The following PTTG1IP variants were observed in gnomAD, a reference collection of about 807,000 sequenced individuals.
PTTG1IP encodes the protein pituitary tumor-transforming gene 1 protein-interacting protein.
In PTTG1IP, 16 loss-of-function variants were observed where a neutral mutation model predicts 24.4. The ratio of observed to expected loss-of-function variants is 0.66; its 90% CI spans 0.44 to 1.00. PTTG1IP has a LOEUF of 1.00. Among genes scored for constraint, PTTG1IP ranks in the 50% least tolerant of loss-of-function variants. The pLI, the probability that PTTG1IP is intolerant of heterozygous loss-of-function variation, is 0.00. For synonymous variants in PTTG1IP, 89 were observed against 96.8 expected (o/e 0.92, Z 0.47); for missense variants, 241 against 245.8 (o/e 0.98, Z 0.13).
intron 3 of PTTG1IP, among the ~76,000 whole-genome samples, chr21:44,860,814 C>CTTT (rs61224396): frequency 6.7e-6 from 1 of 149,668 alleles, no homozygotes. Flanking sequence ...ATACTATTTT[C>CTTT]TTTTTTTTTT....
intron 5 of PTTG1IP, among the ~76,000 whole-genome samples, chr21:44,853,507 CAA>C (rs35396285): frequency 0.029 from 2,701 of 94,744 alleles, 33 homozygotes; most frequent in Non-Finnish European, 0.038. Context: ...GACTCCGTCT[CAA>C]AAAAAAAAAA....
intron 3 of PTTG1IP, 133 bp downstream of exon 3, chr21:44,861,030 C>T (rs1229262793): frequency 4.7e-6 from 3 of 636,994 alleles, no homozygotes; most frequent in Non-Finnish European, 8.1e-6. Flanking sequence ...TCTCAATCTC[C>T]TGACCTCTTG....
At chr21:44,860,458 G>A (rs1048594659) in intron 3 of PTTG1IP, among the ~76,000 whole-genome samples, 1 of 89,542 alleles carries the variant, frequency 1.1e-5, no homozygotes, top group Non-Finnish European at 2.0e-5. Flanking sequence ...ACAAAGATAC[G>A]CACACAAAAA....
chr21:44,862,296 G>A (rs1299198214), intron 2 of PTTG1IP, among the ~76,000 whole-genome samples: 1 of 152,228 alleles, frequency 6.6e-6, no homozygotes, highest in Non-Finnish European at 1.5e-5. Flanking sequence ...CAGGAGGGCG[G>A]ATCACCTGAG....
chr21:44,860,843 C>A (rs924278626), intron 3 of PTTG1IP, among the ~76,000 whole-genome samples: 1 of 151,888 alleles, frequency 6.6e-6, no homozygotes, highest in Non-Finnish European at 1.5e-5. Flanking sequence ...CTCGCTCTGT[C>A]GCCAGGCTGG....
chr21:44,868,182 G>C (rs2083557693), intron 1 of PTTG1IP, among the ~76,000 whole-genome samples: 1 of 152,214 alleles, frequency 6.6e-6, no homozygotes, highest in African/African-American at 2.4e-5. Flanking sequence ...AGGGTTACAG[G>C]AAACTTTGAT....
At chr21:44,853,487 G>A (rs897887887) in intron 5 of PTTG1IP, among the ~76,000 whole-genome samples, 6 of 139,796 alleles carry the variant, frequency 4.3e-5, no homozygotes, top group Admixed American at 2.3e-4. Flanking sequence ...CAGCCTGGGC[G>A]ACAAGGTGAG....
intron 1 of PTTG1IP, among the ~76,000 whole-genome samples, chr21:44,868,761 A>C (rs1712020080): frequency 2.6e-5 from 4 of 152,256 alleles, no homozygotes; most frequent in Admixed American, 2.0e-4. Context: ...ACACTAATGC[A>C]GGCAAGAATT....
intron 3 of PTTG1IP, among the ~76,000 whole-genome samples, chr21:44,859,055 AC>A (rs1185433132): frequency 6.6e-6 from 1 of 152,076 alleles, no homozygotes; most frequent in Non-Finnish European, 1.5e-5. Context: ...CCAACACAAC[AC>A]CGCTCACAGC....
intron 1 of PTTG1IP, among the ~76,000 whole-genome samples, chr21:44,869,628 A>G (rs2083568446): frequency 6.6e-6 from 1 of 152,220 alleles, no homozygotes; most frequent in Non-Finnish European, 1.5e-5. Flanking sequence ...AATAAAACAC[A>G]AACAATTGTA....
At chr21:44,853,868 C>T (rs964166120) in intron 5 of PTTG1IP, among the ~76,000 whole-genome samples, 3 of 152,222 alleles carry the variant, frequency 2.0e-5, no homozygotes, top group Non-Finnish European at 2.9e-5. Context: ...CTGGGCATCT[C>T]GAGGCCAGCA....
chr21:44,873,010 G>A (rs1569328906), intron 1 of PTTG1IP: 1 of 151,556 alleles, frequency 6.6e-6, no homozygotes, highest in Non-Finnish European at 1.5e-5. Context: ...GTGAACGCCG[G>A]CGGCTGTAGA....
chr21:44,871,808 T>C (rs2083588428), intron 1 of PTTG1IP, among the ~76,000 whole-genome samples: 1 of 152,274 alleles, frequency 6.6e-6, no homozygotes, highest in Non-Finnish European at 1.5e-5. Context: ...GGCACCATTC[T>C]TCCTATTCCA....
At chr21:44,854,473 C>T (rs941277164) in intron 5 of PTTG1IP, among the ~76,000 whole-genome samples, 8 of 112,506 alleles carry the variant, frequency 7.1e-5, no homozygotes, top group East Asian at 3.9e-4. Context: ...GCGCGGGAGA[C>T]GCCCATGACA....
chr21:44,861,833 C>T, intron 2 of PTTG1IP: 1 of 717,512 alleles, frequency 1.4e-6, no homozygotes, highest in Non-Finnish European at 2.6e-6. Flanking sequence ...CCTGGCCCAT[C>T]ACAGGCACTC....
intron 1 of PTTG1IP, among the ~76,000 whole-genome samples, chr21:44,866,208 TAA>T (rs1491303836): frequency 1.1e-5 from 1 of 94,978 alleles, no homozygotes; most frequent in Non-Finnish European, 2.1e-5. Flanking sequence ...CCCAATCCTG[TAA>T]CACACACACA....
chr21:44,872,101 C>T (rs954889738), intron 1 of PTTG1IP, among the ~76,000 whole-genome samples: 1 of 152,194 alleles, frequency 6.6e-6, no homozygotes. Flanking sequence ...AACACACCCC[C>T]GAGCCACTGA....
rs1423516019 is a variant in PTTG1IP, at chr21:44,873,429, C to T, written c.115+73G>A. On this transcript the variant is annotated intron_variant, in intron 1 of 5. Transcript: ENST00000330938. ...GAGCCCAGCGCCCTGGCCGAAACCC[C>T]GACCCCGACCCCGACCTGGACCCAC... 6 of 1,218,144 alleles carry T rather than the reference C, an allele frequency of 4.9e-6. No homozygotes were observed. In the South Asian group the frequency reaches 9.5e-5, roughly 19 times the overall value. The allele number at this position is 1,218,144 out of a possible 1,614,324, so 75.5% of individuals were successfully genotyped here. A position where few individuals can be genotyped will look rare whatever the true frequency, so the allele number is the denominator to read the frequency against.
chr21:44,872,703 C>T (rs114810347), intron 1 of PTTG1IP, among the ~76,000 whole-genome samples: 1,609 of 152,338 alleles, frequency 0.011, 30 homozygotes, highest in African/African-American at 0.036. Flanking sequence ...TCCTGTCATG[C>T]ACTTTCCTCC....
Sources: gnomAD v4.1 joint callset for allele counts (sites outside exome capture counted in the v4.1 genomes callset) on GRCh38, gnomAD v4.1.1 for gene constraint, MANE v1.5 for transcripts, NCBI Gene and HGNC (gene_info 2026-07-23, HGNC 2026-07-21) for gene names.